The following TMCC1 variants were observed in gnomAD, a reference collection of about 807,000 sequenced individuals.
The protein encoded by TMCC1 is transmembrane and coiled-coil domains protein 1.
TMCC1 carries 15 observed loss-of-function variants against 52.4 expected under a neutral mutation model. That is an observed-to-expected ratio of 0.29 (90% CI 0.19 to 0.44). TMCC1 has a LOEUF of 0.44. TMCC1 is among the 20% of genes least tolerant of loss of function. The probability of loss-of-function intolerance (pLI) is 1.00; values close to 1 mark genes in which losing one functional copy is unlikely to be tolerated. For synonymous variants in TMCC1, 279 were observed against 301.9 expected, an observed-to-expected ratio of 0.92 and a Z score of 0.79; for missense variants, 503 against 806.0, an observed-to-expected ratio of 0.62 and a Z score of 4.55.
chr3:129,854,911 T>G (rs1683132000), intron 2 of TMCC1, among the ~76,000 whole-genome samples: 1 of 152,206 alleles, frequency 6.6e-6, no homozygotes, highest in African/African-American at 2.4e-5. Context: ...CACATCAGTT[T>G]TTGCCCCACA....
chr3:129,764,733 T>TTGTG (rs150255907), intron 4 of TMCC1, among the ~76,000 whole-genome samples: 6,810 of 57,698 alleles, frequency 0.12, 653 homozygotes, highest in Non-Finnish European at 0.19. Context: ...TCCTATAATA[T>TTGTG]TGTGTGTGTG....
chr3:129,788,743 C>T (rs2056232553), intron 4 of TMCC1, among the ~76,000 whole-genome samples: 1 of 151,946 alleles, frequency 6.6e-6, no homozygotes, highest in Non-Finnish European at 1.5e-5. Flanking sequence ...GCTGGGATTA[C>T]AGGCGTGAGC....
At chr3:129,706,599 CATCT>C (rs1218347653) in intron 4 of TMCC1, among the ~76,000 whole-genome samples, 4 of 152,130 alleles carry the variant, frequency 2.6e-5, no homozygotes, top group Admixed American at 2.0e-4. Flanking sequence ...TTCTGTACTC[CATCT>C]GAGTACAGAC....
intron 4 of TMCC1, among the ~76,000 whole-genome samples, chr3:129,767,677 A>C (rs2054241147): frequency 6.6e-6 from 1 of 152,130 alleles, no homozygotes; most frequent in Non-Finnish European, 1.5e-5. Context: ...CCTGGCCCTA[A>C]ACAACCAATA....
At chr3:129,744,230 A>G (rs772173063) in intron 4 of TMCC1, among the ~76,000 whole-genome samples, 5 of 152,338 alleles carry the variant, frequency 3.3e-5, no homozygotes, top group Non-Finnish European at 4.4e-5. Context: ...GGGAGGACAC[A>G]GGAGGATGTC....
chr3:129,712,160 G>C (rs1476758562), intron 4 of TMCC1, among the ~76,000 whole-genome samples: 3 of 152,238 alleles, frequency 2.0e-5, no homozygotes, highest in African/African-American at 2.4e-5. Flanking sequence ...CTGTGCAACA[G>C]AGCGAGACTC....
intron 5 of TMCC1, among the ~76,000 whole-genome samples, chr3:129,666,865 G>A (rs1210032219): frequency 6.6e-6 from 1 of 151,984 alleles, no homozygotes; most frequent in African/African-American, 2.4e-5. Context: ...AGGAGTTCAA[G>A]ACCAGCAAGG....
intron 5 of TMCC1, among the ~76,000 whole-genome samples, chr3:129,666,005 C>T (rs1169459816): frequency 6.6e-6 from 1 of 152,152 alleles, no homozygotes; most frequent in Admixed American, 6.5e-5. Context: ...CTCTCATCAA[C>T]TCAGATACTA....
chr3:129,858,187 T>C (rs1335848960), intron 2 of TMCC1, among the ~76,000 whole-genome samples: 1 of 152,210 alleles, frequency 6.6e-6, no homozygotes, highest in Non-Finnish European at 1.5e-5. Context: ...ACTTACACTC[T>C]TGACTATTCT....
At chr3:129,861,310 T>G (rs1169991359) in intron 2 of TMCC1, among the ~76,000 whole-genome samples, 1 of 151,794 alleles carries the variant, frequency 6.6e-6, no homozygotes, top group East Asian at 1.9e-4. Context: ...TGTGGTGGCG[T>G]GCACCTGTAG....
chr3:129,735,268 ATTG>A lies in TMCC1; in HGVS notation c.577-64007_577-64005del, dbSNP rs1376386715. On this transcript the variant is annotated intron_variant, in intron 4 of 6. Transcript: ENST00000393238. ...AACTATGAGAACATATATACATTAC[ATTG>A]TTAACATTCAAATGTTTAATGAAAG... Among the ~76,000 whole-genome samples, 4 of 152,308 alleles carry A rather than the reference ATTG, an allele frequency of 2.6e-5. No individual in the cohort carries two copies. The East Asian group carries it at 5.8e-4, about 22-fold the overall frequency.
intron 4 of TMCC1, among the ~76,000 whole-genome samples, chr3:129,682,360 T>C (rs56821591): frequency 0.042 from 6,414 of 152,244 alleles, 458 homozygotes; most frequent in African/African-American, 0.15. Flanking sequence ...ACAAATTGTT[T>C]TCAAATGAAA....
At chr3:129,724,839 C>A (rs1318300571) in intron 4 of TMCC1, among the ~76,000 whole-genome samples, 2 of 152,030 alleles carry the variant, frequency 1.3e-5, no homozygotes, top group Non-Finnish European at 2.9e-5. Context: ...CCAGGAAACA[C>A]AAGACAATGG....
intron 4 of TMCC1, among the ~76,000 whole-genome samples, chr3:129,779,355 A>G (rs191873849): frequency 9.8e-5 from 15 of 152,318 alleles, no homozygotes; most frequent in African/African-American, 3.4e-4. Flanking sequence ...TAACAGCCAT[A>G]TAATAAAACA....
chr3:129,755,600 C>A (rs773514585), intron 4 of TMCC1, among the ~76,000 whole-genome samples: 1 of 152,106 alleles, frequency 6.6e-6, no homozygotes, highest in African/African-American at 2.4e-5. Context: ...GAAGACACTT[C>A]GTCATAGTAG....
chr3:129,810,166 G>C (rs1356390367), intron 4 of TMCC1, among the ~76,000 whole-genome samples: 2 of 152,098 alleles, frequency 1.3e-5, no homozygotes, highest in African/African-American at 4.8e-5. Flanking sequence ...AGACCAGCCT[G>C]GGCAACATGG....
At chr3:129,721,704 C>CAAAAAAA (rs765601986) in intron 4 of TMCC1, among the ~76,000 whole-genome samples, 14 of 76,054 alleles carry the variant, frequency 1.8e-4, no homozygotes, top group African/African-American at 5.1e-4. Context: ...ACTAAAAATA[C>CAAAAAAA]AAAAAAAAAA....
Position 129,828,538 on chromosome 3 carries a change from C to CAAAAAAAAAAAAAAAA in TMCC1, c.-130-31_-130-30insTTTTTTTTTTTTTTTT. On this transcript the variant is annotated intron_variant, in intron 3 of 6. Transcript: ENST00000393238. This position sits in a 1 kb window ranked among gnomAD's most constrained non-coding sequence, Gnocchi z 4.1. ...TGTTAAAAACAAAAAAACAAAAAAA[C>CAAAAAAAAAAAAAAAA]AAAAAAAAAACCTTATATTATAAAT... The CAAAAAAAAAAAAAAAA allele has an allele frequency of 1.8e-6, 1 of 547,432 alleles. No individual in the cohort carries two copies. Among genetic ancestry groups the CAAAAAAAAAAAAAAAA allele is most frequent in the African/African-American group, 2.0e-5 (1 of 50,466 alleles). The allele number at this position is 547,432 out of a possible 1,614,324, so 33.9% of individuals were successfully genotyped here.
intron 4 of TMCC1, among the ~76,000 whole-genome samples, chr3:129,775,953 G>T (rs2055005072): frequency 6.6e-6 from 1 of 152,086 alleles, no homozygotes. Flanking sequence ...AGAAATCCCT[G>T]GATGACACAT....
Sources: gnomAD v4.1 joint callset for allele counts (sites outside exome capture counted in the v4.1 genomes callset) on GRCh38, gnomAD v4.1.1 for gene constraint, Gnocchi (gnomAD v3.1) non-coding constraint, MANE v1.5 for transcripts, NCBI Gene and HGNC (gene_info 2026-07-23, HGNC 2026-07-21) for gene names.